DAAM1: variants seen among roughly 807,000 people sequenced by gnomAD.
DAAM1 encodes the protein dishevelled associated activator of morphogenesis 1, also known as disheveled-associated activator of morphogenesis 1.
DAAM1 carries 52 observed loss-of-function variants against 130.0 expected under a neutral mutation model. The observed-to-expected ratio is 0.40, with a 90% CI of 0.32 to 0.50. The LOEUF (loss-of-function observed/expected upper bound fraction) is 0.50, where lower values mean the gene tolerates loss of function less well. DAAM1 is among the 20% of genes least tolerant of loss of function. The probability of loss-of-function intolerance (pLI) is 0.61; values close to 1 mark genes in which losing one functional copy is unlikely to be tolerated. For missense variants in DAAM1, 1,134 were observed against 1,303.8 expected (o/e 0.87, Z 2.01); for synonymous variants, 452 against 444.5 (o/e 1.02, Z -0.21).
chr14:59,327,568 C>T (rs1423981721), intron 12 of DAAM1, among the ~76,000 whole-genome samples: 2 of 151,856 alleles, frequency 1.3e-5, no homozygotes, highest in Non-Finnish European at 2.9e-5. Context: ...CCATCACATC[C>T]GGCTAATTTT....
rs1466078540 is a variant in DAAM1 at position 59,263,796 on chromosome 14, C to T, written c.183+136C>T. On this transcript the variant is annotated intron_variant, in intron 2 of 24. Coordinates refer to ENST00000360909, the MANE Select transcript of DAAM1 (RefSeq NM_001270520.2). ...TGGCCCCCATTCACCTTTATGTCTG[C>T]ACCCTCACTGTCAGCACTAAACCTG... 4.8e-6 allele frequency: 5 copies of T among 1,043,222 alleles called. No individual in the cohort carries two copies. In the African/African-American group the frequency reaches 7.9e-5, roughly 16 times the overall value. 64.6% of individuals were successfully genotyped at this position (1,043,222 alleles called of 1,614,324 possible).
intron 1 of DAAM1, among the ~76,000 whole-genome samples, chr14:59,239,184 G>C (rs889209729): frequency 2.0e-5 from 3 of 152,176 alleles, no homozygotes; most frequent in African/African-American, 7.2e-5. Flanking sequence ...ACTTTATGAA[G>C]GTAATATACT....
At chr14:59,224,401 A>G (rs1028042037) in intron 1 of DAAM1, among the ~76,000 whole-genome samples, 1 of 152,146 alleles carries the variant, frequency 6.6e-6, no homozygotes, top group Non-Finnish European at 1.5e-5. Context: ...ATCTCTGTAA[A>G]CCCTCTAGGA....
rs377635970 is a variant in DAAM1 at position 59,324,327 on chromosome 14, A to G, written c.886-24A>G. 9 of 1,538,738 alleles carry G rather than the reference A, an allele frequency of 5.8e-6. No homozygotes were observed. In the African/African-American group the frequency reaches 9.7e-5, roughly 17 times the overall value. ...TGTAGTCTAAAAACCACAAATATGT[A>G]TTTTATTGCCATTTTACTTTCAGGA... On this transcript the variant is annotated intron_variant, in intron 7 of 24. Transcript: ENST00000360909.
At chr14:59,221,480 T>G (rs1888770834) in intron 1 of DAAM1, among the ~76,000 whole-genome samples, 1 of 152,242 alleles carries the variant, frequency 6.6e-6, no homozygotes, top group Non-Finnish European at 1.5e-5. Context: ...TGCCTTCAGC[T>G]GGTTATGATT....
chr14:59,258,552 A>C (rs1382233708), intron 1 of DAAM1, among the ~76,000 whole-genome samples: 2 of 152,236 alleles, frequency 1.3e-5, no homozygotes, highest in Non-Finnish European at 2.9e-5. Context: ...ATATTAAATC[A>C]TATATACTGG....
At chr14:59,294,918 G>A (rs566623637) in intron 3 of DAAM1, among the ~76,000 whole-genome samples, 2 of 152,328 alleles carry the variant, frequency 1.3e-5, no homozygotes, top group African/African-American at 2.4e-5. Flanking sequence ...GTGTATACAT[G>A]TATTATGCTG....
chr14:59,255,412 T>C (rs1881833847), intron 1 of DAAM1, among the ~76,000 whole-genome samples: 1 of 152,064 alleles, frequency 6.6e-6, no homozygotes, highest in South Asian at 2.1e-4. Flanking sequence ...CTCCAAATAG[T>C]ATTTGGCATC....
At chr14:59,197,585 C>G (rs1048273783) in intron 1 of DAAM1, among the ~76,000 whole-genome samples, 1 of 152,212 alleles carries the variant, frequency 6.6e-6, no homozygotes, top group Non-Finnish European at 1.5e-5. Flanking sequence ...GGTAACACTT[C>G]CAACTATGGA....
intron 16 of DAAM1, 84 bp downstream of exon 16, chr14:59,340,264 T>A: frequency 3.8e-6 from 5 of 1,299,570 alleles, no homozygotes; most frequent in Non-Finnish European, 4.4e-6. Flanking sequence ...TGATTTTGTT[T>A]TAATTGTACT....
At chr14:59,300,902 TA>T (rs1161189483) in intron 3 of DAAM1, among the ~76,000 whole-genome samples, 1 of 152,234 alleles carries the variant, frequency 6.6e-6, no homozygotes, top group Non-Finnish European at 1.5e-5. Context: ...TCTTACTATT[TA>T]AAAAATATTG....
chr14:59,288,832 G>GGAGAGAGAGAGAGA (rs58762540), intron 2 of DAAM1, among the ~76,000 whole-genome samples: 3,157 of 143,852 alleles, frequency 0.022, 126 homozygotes, highest in African/African-American at 0.077. Flanking sequence ...TGTGATAGCA[G>GGAGAGAGAGAGAGA]GAGAGAGAGA....
chr14:59,211,152 GAAAT>G (rs1329751153), intron 1 of DAAM1, among the ~76,000 whole-genome samples: 2 of 152,132 alleles, frequency 1.3e-5, no homozygotes, highest in African/African-American at 4.8e-5. Context: ...TTTAAACAGA[GAAAT>G]AAATCTTCTT....
At chr14:59,322,837 G>T in intron 5 of DAAM1, 55 bp from the exon 6 acceptor site, 1 of 1,407,924 alleles carries the variant, frequency 7.1e-7, no homozygotes, top group Non-Finnish European at 9.8e-7. Flanking sequence ...TTTCTGTTAG[G>T]GGCTATTATA....
At chr14:59,209,237 C>CCATCCTGCAGGCTGTT (rs59376847) in intron 1 of DAAM1, among the ~76,000 whole-genome samples, 1 of 152,044 alleles carries the variant, frequency 6.6e-6, no homozygotes, top group African/African-American at 2.4e-5. Context: ...TGCTGGATGG[C>CCATCCTGCAGGCTGTT]ACCTTTTATG....
At position 59,369,045 on chromosome 14, in the gene DAAM1, G is replaced by C. The variant is rs1346383566; in HGVS notation, c.*186G>C. The stretch of plus-strand genomic sequence containing the variant: ...AAAAAATGTATATAGATGTCTGAGT[G>C]TTGTCTGGAGACCTATACGTATGGT... On this transcript the variant is annotated 3_prime_UTR_variant, in exon 25 of 25. Coordinates refer to ENST00000360909, the MANE Select transcript of DAAM1 (RefSeq NM_001270520.2). 1.0e-5 allele frequency: 6 copies of C among 576,830 alleles called. No individual in the cohort carries two copies. Among genetic ancestry groups the C allele is most frequent in the African/African-American group, 1.9e-5 (1 of 53,128 alleles). The allele number at this position is 576,830 out of a possible 1,614,324, so 35.7% of individuals were successfully genotyped here.
chr14:59,272,846 G>T (rs1186651796), intron 2 of DAAM1, among the ~76,000 whole-genome samples: 2 of 152,108 alleles, frequency 1.3e-5, no homozygotes, highest in African/African-American at 4.8e-5. Context: ...TGGAGTAAAT[G>T]TGAACTGCTG....
At chr14:59,328,271 A>T (rs1016369305) in intron 12 of DAAM1, among the ~76,000 whole-genome samples, 3 of 152,262 alleles carry the variant, frequency 2.0e-5, no homozygotes, top group African/African-American at 7.2e-5. Context: ...ATTGCTCCCA[A>T]ATAAGTGACA....
In DAAM1 at chr14:59,370,077, C is replaced by T. The variant is rs1887098381; in HGVS notation, c.*1218C>T. On this transcript the variant is annotated 3_prime_UTR_variant, in exon 25 of 25. Transcript: ENST00000360909. ...TTAGAAAATAAAATATAGATGCTTA[C>T]CATTAACCTACCAACTCTTAATATC... 6.7e-6 allele frequency: 1 copy of T among 149,576 alleles called. No individual in the cohort carries two copies. Among genetic ancestry groups the T allele is most frequent in the Admixed American group, 6.7e-5 (1 of 14,968 alleles). The allele number at this position is 149,576 out of a possible 1,614,324, so 9.3% of individuals were successfully genotyped here.
Sources: gnomAD v4.1 joint callset for allele counts (sites outside exome capture counted in the v4.1 genomes callset) on GRCh38, gnomAD v4.1.1 for gene constraint, MANE v1.5 for transcripts, NCBI Gene and HGNC (gene_info 2026-07-23, HGNC 2026-07-21) for gene names.